TENM2: variants seen among roughly 807,000 people sequenced by gnomAD.
TENM2 encodes teneurin transmembrane protein 2, also known as teneurin-2.
Under a neutral mutation model 245.2 loss-of-function variants are expected in TENM2, and 52 were observed. The observed-to-expected ratio is 0.21, with a 90% CI of 0.17 to 0.27. The LOEUF (loss-of-function observed/expected upper bound fraction) is 0.27, where lower values mean the gene tolerates loss of function less well. Ranked by LOEUF, TENM2 falls within the 10% of genes least tolerant of loss-of-function variation. The pLI is 1.00. For missense variants in TENM2, 3,046 were observed against 3,666.8 expected, an observed-to-expected ratio of 0.83 and a Z score of 4.37; for synonymous variants, 1,363 against 1,438.9, an observed-to-expected ratio of 0.95 and a Z score of 1.19.
At chr5:167,028,562 G>T in the TENM2 span, among the ~76,000 whole-genome samples, 1 of 151,696 alleles carries the variant, frequency 6.6e-6, no homozygotes, top group Non-Finnish European at 1.5e-5. Context: ...TTTCTTTTGT[G>T]AATTTTTTAG....
chr5:168,122,216 A>G (rs1795517195), intron 10 of TENM2, among the ~76,000 whole-genome samples: 1 of 152,180 alleles, frequency 6.6e-6, no homozygotes, highest in South Asian at 2.1e-4. Context: ...TCGCTCTGTC[A>G]CCCAGGCTGG....
chr5:167,868,683 C>T (rs1237951159), intron 2 of TENM2, among the ~76,000 whole-genome samples: 1 of 147,954 alleles, frequency 6.8e-6, no homozygotes, highest in African/African-American at 2.5e-5. Context: ...GTTGCAGTAG[C>T]CAAGACTGTA....
chr5:167,133,066 C>T, the TENM2 span, among the ~76,000 whole-genome samples: 2 of 152,074 alleles, frequency 1.3e-5, no homozygotes, highest in African/African-American at 2.4e-5. Flanking sequence ...GGACGTGTGG[C>T]CTAGGAGCCA....
intron 25 of TENM2, among the ~76,000 whole-genome samples, chr5:168,230,314 G>A (rs1255726385): frequency 2.0e-5 from 3 of 152,234 alleles, no homozygotes; most frequent in Non-Finnish European, 4.4e-5. Context: ...ATAACAGGTT[G>A]AGTGGACTGA....
chr5:167,658,258 G>A (rs1228913804), intron 2 of TENM2, among the ~76,000 whole-genome samples: 2 of 151,178 alleles, frequency 1.3e-5, no homozygotes, highest in African/African-American at 4.9e-5. Flanking sequence ...CGCCCAGGCT[G>A]GAGTGTAATG....
chr5:167,099,467 G>A, the TENM2 span, among the ~76,000 whole-genome samples: 2 of 152,230 alleles, frequency 1.3e-5, no homozygotes, highest in East Asian at 1.9e-4. Flanking sequence ...AGGCCGAGGC[G>A]GGCGGATCGC....
At chr5:167,906,672 T>C (rs555713652) in intron 3 of TENM2, among the ~76,000 whole-genome samples, 76 of 152,210 alleles carry the variant, frequency 5.0e-4, no homozygotes, top group African/African-American at 1.8e-3. Context: ...GGTACACAAC[T>C]CCAGGGAGCG....
intron 7 of TENM2, among the ~76,000 whole-genome samples, chr5:168,079,856 A>G (rs1791821970): frequency 6.6e-6 from 1 of 152,116 alleles, no homozygotes; most frequent in South Asian, 2.1e-4. Context: ...GGATTTTTGT[A>G]TCAGTGTTCA....
chr5:168,062,334 T>C, intron 7 of TENM2, 69 bp downstream of exon 9: 2 of 1,245,504 alleles, frequency 1.6e-6, no homozygotes, highest in Non-Finnish European at 2.3e-6. Context: ...TGTGTATATA[T>C]GCCACTTCAC....
chr5:167,660,812 A>C (rs954586052), intron 2 of TENM2, among the ~76,000 whole-genome samples: 6 of 152,156 alleles, frequency 3.9e-5, no homozygotes, highest in African/African-American at 1.2e-4. Flanking sequence ...TATGTTCCTT[A>C]ACATATTATA....
intron 2 of TENM2, among the ~76,000 whole-genome samples, chr5:167,691,374 C>T (rs1356486678): frequency 6.6e-6 from 1 of 152,090 alleles, no homozygotes; most frequent in Non-Finnish European, 1.5e-5. Flanking sequence ...CAAATAAGAA[C>T]AATTTCTTCC....
intron 2 of TENM2, among the ~76,000 whole-genome samples, chr5:167,409,354 T>C (rs748195977): frequency 2.0e-5 from 3 of 151,980 alleles, no homozygotes; most frequent in Admixed American, 1.3e-4. Flanking sequence ...CTAAGCAGGA[T>C]GGATAAACTT....
intron 2 of TENM2, among the ~76,000 whole-genome samples, chr5:167,511,283 G>T (rs957849155): frequency 2.0e-5 from 3 of 152,104 alleles, no homozygotes; most frequent in Non-Finnish European, 2.9e-5. Context: ...TTTAATTTTG[G>T]AGAGGCTCAT....
chr5:167,152,554 A>G, the TENM2 span, among the ~76,000 whole-genome samples: 9 of 152,216 alleles, frequency 5.9e-5, no homozygotes, highest in Non-Finnish European at 1.3e-4. Context: ...CCTGTAGTCC[A>G]GGATAAATAG....
chr5:168,196,073 A>T (rs1197991582), intron 15 of TENM2, among the ~76,000 whole-genome samples: 1 of 152,150 alleles, frequency 6.6e-6, no homozygotes, highest in Non-Finnish European at 1.5e-5. Flanking sequence ...ATGAAAAGGG[A>T]ACTGTGGCTA....
At chr5:167,851,846 A>G (rs1483331754) in intron 2 of TENM2, among the ~76,000 whole-genome samples, 1 of 152,210 alleles carries the variant, frequency 6.6e-6, no homozygotes, top group Non-Finnish European at 1.5e-5. Flanking sequence ...TAGCCAAGGA[A>G]TTATTGTCTC....
At chr5:167,487,582 C>T (rs1194304797) in intron 2 of TENM2, among the ~76,000 whole-genome samples, 1 of 152,132 alleles carries the variant, frequency 6.6e-6, no homozygotes, top group Admixed American at 6.5e-5. Flanking sequence ...GATGTCTTTT[C>T]AGCCAGCTCT....
chr5:167,385,559 T>A (rs1055032547), intron 2 of TENM2, among the ~76,000 whole-genome samples: 2 of 151,698 alleles, frequency 1.3e-5, no homozygotes, highest in Non-Finnish European at 2.9e-5. Flanking sequence ...TTTGGTTACA[T>A]GAGTGAGTTC....
intron 3 of TENM2, among the ~76,000 whole-genome samples, chr5:167,929,077 G>GAAAGAAAGAAAGAAAGAAAGAAAGAAAGA (rs1778038083): frequency 1.8e-5 from 1 of 56,792 alleles, no homozygotes; most frequent in Non-Finnish European, 3.3e-5. Context: ...AAGAAAGAAA[G>GAAAGAAAGAAAGAAAGAAAGAAAGAAAGA]AAAGAAAGAA....
Sources: gnomAD v4.1 joint callset for allele counts (sites outside exome capture counted in the v4.1 genomes callset) on GRCh38, gnomAD v4.1.1 for gene constraint, MANE v1.5 for transcripts, NCBI Gene and HGNC (gene_info 2026-07-23, HGNC 2026-07-21) for gene names.